The following SGCZ variants were observed in gnomAD, a reference collection of about 807,000 sequenced individuals.
SGCZ encodes zeta-sarcoglycan.
In SGCZ, 40 loss-of-function variants were observed where a neutral mutation model predicts 41.3. The ratio of observed to expected loss-of-function variants is 0.97; its 90% confidence interval spans 0.75 to 1.26. The LOEUF is 1.26. SGCZ is among the 50% of genes most tolerant of loss of function. The pLI is 0.00. For synonymous variants in SGCZ, 206 were observed against 137.5 expected (o/e 1.50, Z -3.49); for missense variants, 552 against 369.8 (o/e 1.49, Z -4.04).
At chr8:14,120,037 G>C (rs756302019) in intron 5 of SGCZ, among the ~76,000 whole-genome samples, 1 of 151,978 alleles carries the variant, frequency 6.6e-6, no homozygotes, top group African/African-American at 2.4e-5. Context: ...TTCTGTGTGT[G>C]TCTCTGCCAG....
chr8:14,664,077 T>C (rs1185423249), intron 1 of SGCZ, among the ~76,000 whole-genome samples: 1 of 152,214 alleles, frequency 6.6e-6, no homozygotes, highest in Non-Finnish European at 1.5e-5. Context: ...TGTATTTTCA[T>C]GCTTAGATGT....
At chr8:14,164,953 G>T in intron 4 of SGCZ, 1 of 397,860 alleles carries the variant, frequency 2.5e-6, no homozygotes, top group Non-Finnish European at 4.6e-6. Flanking sequence ...AGTTTAGCCA[G>T]TTAAGAGCCC....
intron 1 of SGCZ, among the ~76,000 whole-genome samples, chr8:15,220,647 A>G (rs537913769): frequency 6.6e-6 from 1 of 152,130 alleles, no homozygotes; most frequent in South Asian, 2.1e-4. Flanking sequence ...ATTTGACCCC[A>G]TGATGCCATT....
chr8:15,052,946 T>C (rs6530829), intron 1 of SGCZ, among the ~76,000 whole-genome samples: 10,758 of 152,140 alleles, frequency 0.071, 1,187 homozygotes, highest in African/African-American at 0.24. Flanking sequence ...CCAATCCATA[T>C]AGCTTGATTC....
intron 3 of SGCZ, among the ~76,000 whole-genome samples, chr8:14,291,220 C>A (rs920930975): frequency 1.3e-5 from 2 of 151,972 alleles, no homozygotes; most frequent in African/African-American, 2.4e-5. Context: ...GAAATAAGTT[C>A]TAGGTATCTA....
intron 1 of SGCZ, among the ~76,000 whole-genome samples, chr8:14,834,641 T>G (rs1165084094): frequency 6.6e-6 from 1 of 152,200 alleles, no homozygotes; most frequent in Non-Finnish European, 1.5e-5. Context: ...ATGATCGCAC[T>G]TTGGAGCGGA....
chr8:15,080,112 T>C (rs907227376), intron 1 of SGCZ, among the ~76,000 whole-genome samples: 1 of 151,744 alleles, frequency 6.6e-6, no homozygotes, highest in Non-Finnish European at 1.5e-5. Flanking sequence ...TTTCAATTAT[T>C]TATTTGATTC....
chr8:14,714,265 C>T (rs1809617081), intron 1 of SGCZ, among the ~76,000 whole-genome samples: 1 of 152,108 alleles, frequency 6.6e-6, no homozygotes, highest in Non-Finnish European at 1.5e-5. Flanking sequence ...CCGTGTCCGA[C>T]CCTGAAATTT....
chr8:14,682,270 A>C (rs1808471808), intron 1 of SGCZ, among the ~76,000 whole-genome samples: 1 of 152,308 alleles, frequency 6.6e-6, no homozygotes, highest in East Asian at 1.9e-4. Flanking sequence ...AAAATATTTC[A>C]TTTTTGAATA....
intron 4 of SGCZ, among the ~76,000 whole-genome samples, chr8:14,229,801 G>A (rs934388660): frequency 1.3e-5 from 2 of 152,044 alleles, no homozygotes; most frequent in Non-Finnish European, 2.9e-5. Context: ...AAGATTGCAT[G>A]TCATTTTCAG....
chr8:14,398,590 T>C (rs543044895), intron 2 of SGCZ, among the ~76,000 whole-genome samples: 1 of 152,184 alleles, frequency 6.6e-6, no homozygotes, highest in East Asian at 1.9e-4. Flanking sequence ...CAAGTTGCCT[T>C]GGGGAGTGCT....
chr8:14,097,728 T>C (rs554437582), intron 7 of SGCZ, among the ~76,000 whole-genome samples: 1 of 152,298 alleles, frequency 6.6e-6, no homozygotes, highest in Non-Finnish European at 1.5e-5. Flanking sequence ...AGTCTAGGTC[T>C]CTTTGTAGGT....
intron 2 of SGCZ, among the ~76,000 whole-genome samples, chr8:14,349,798 A>G (rs920738977): frequency 3.3e-5 from 5 of 152,260 alleles, no homozygotes; most frequent in African/African-American, 1.2e-4. Flanking sequence ...CTCAAAGTGT[A>G]TCTTCTGGAA....
chr8:14,534,218 A>G (rs1024118053), intron 2 of SGCZ, among the ~76,000 whole-genome samples: 2 of 151,984 alleles, frequency 1.3e-5, no homozygotes, highest in Non-Finnish European at 2.9e-5. Context: ...GGAAATATGA[A>G]GGAGAAGAGA....
At chr8:14,209,290 T>G (rs10104772) in intron 4 of SGCZ, among the ~76,000 whole-genome samples, 2,634 of 152,216 alleles carry the variant, frequency 0.017, 77 homozygotes, top group African/African-American at 0.059. Context: ...TGGGCCAGAA[T>G]TCTTATTCAG....
At chr8:14,758,539 G>A (rs1214719580) in intron 1 of SGCZ, among the ~76,000 whole-genome samples, 1 of 152,044 alleles carries the variant, frequency 6.6e-6, no homozygotes, top group African/African-American at 2.4e-5. Flanking sequence ...CTGGGACACC[G>A]ATCAAAGTGT....
At chr8:14,889,474 C>T (rs779981334) in intron 1 of SGCZ, among the ~76,000 whole-genome samples, 1 of 152,082 alleles carries the variant, frequency 6.6e-6, no homozygotes, top group Non-Finnish European at 1.5e-5. Flanking sequence ...ATTAAGTTGA[C>T]ATCACACTTC....
rs117338192 is a variant in SGCZ, at chr8:14,691,759, G to T, written c.40-136833C>A. Reference sequence around the variant, plus strand: ...TGTCCAAATACAGAATAATAAAATAGCAATAATGAACCAATCAAAAACTGC... The same window carrying T: ...TGTCCAAATACAGAATAATAAAATATCAATAATGAACCAATCAAAAACTGC... On this transcript the variant is annotated intron_variant, in intron 1 of 7. Coordinates refer to ENST00000382080, the MANE Select transcript of SGCZ (RefSeq NM_139167.4). Among the ~76,000 whole-genome samples, 316 of 151,998 alleles carry T rather than the reference G, an allele frequency of 2.1e-3. 1 individual carries two copies. Among genetic ancestry groups the T allele is most frequent in the Middle Eastern group, 0.014 (4 of 290 alleles).
chr8:14,224,592 T>C lies in SGCZ; in HGVS notation c.424+13000A>G, dbSNP rs556405758. On this transcript the variant is annotated intron_variant, in intron 4 of 7. Coordinates refer to ENST00000382080, the MANE Select transcript of SGCZ (RefSeq NM_139167.4). Reference sequence around the variant, plus strand: ...CAATTATGCTAAAATATTTATTTATTACTTTATTACGTTGGCTACGCAGAA... The same window carrying C: ...CAATTATGCTAAAATATTTATTTATCACTTTATTACGTTGGCTACGCAGAA... 1.1e-4 allele frequency among the ~76,000 whole-genome samples: 16 copies of C among 152,328 alleles called. No individual in the cohort carries two copies. The East Asian group carries it at 3.1e-3, about 29-fold the overall frequency.
Sources: allele counts gnomAD v4.1 joint callset (sites outside exome capture counted in the v4.1 genomes callset), GRCh38; gene constraint gnomAD v4.1.1; transcripts MANE v1.5; gene names NCBI Gene and HGNC (gene_info 2026-07-23, HGNC 2026-07-21).